Variants in PDE4B observed in about 807,000 individuals in gnomAD.
PDE4B encodes the protein 3',5'-cyclic-AMP phosphodiesterase 4B.
In PDE4B, 20 loss-of-function variants were observed where a neutral mutation model predicts 82.2. The ratio of observed to expected loss-of-function variants is 0.24; its 90% CI spans 0.17 to 0.35. The LOEUF is 0.35. Ranked by LOEUF, PDE4B falls within the 10% of genes least tolerant of loss-of-function variation. PDE4B has a pLI of 1.00. For missense variants in PDE4B, 655 were observed against 907.2 expected (o/e 0.72, Z 3.57); for synonymous variants, 320 against 318.9 (o/e 1.00, Z -0.04).
intron 7 of PDE4B, among the ~76,000 whole-genome samples, chr1:66,282,710 C>T (rs1186787801): frequency 1.3e-5 from 2 of 152,170 alleles, no homozygotes; most frequent in East Asian, 1.9e-4. Context: ...ATCCTTTAAC[C>T]TTTCTAGACT....
chr1:65,925,313 T>G (rs1390689514), intron 3 of PDE4B, among the ~76,000 whole-genome samples: 1 of 152,170 alleles, frequency 6.6e-6, no homozygotes, highest in East Asian at 1.9e-4. Context: ...ATCCTGCACA[T>G]GTACCCCGGA....
chr1:66,312,594 A>G (rs985960026), intron 7 of PDE4B, among the ~76,000 whole-genome samples: 1 of 152,210 alleles, frequency 6.6e-6, no homozygotes, highest in African/African-American at 2.4e-5. Context: ...TTACCTCACT[A>G]GCAAACTTAA....
intron 7 of PDE4B, among the ~76,000 whole-genome samples, chr1:66,323,639 T>C (rs940370449): frequency 1.3e-5 from 2 of 152,164 alleles, no homozygotes; most frequent in African/African-American, 4.8e-5. Context: ...CCATGCACTG[T>C]CCTAAGCACT....
intron 3 of PDE4B, among the ~76,000 whole-genome samples, chr1:66,131,631 A>ATATATG (rs1557583760): frequency 8.4e-6 from 1 of 119,680 alleles, no homozygotes; most frequent in Non-Finnish European, 1.7e-5. Context: ...ATATATATAT[A>ATATATG]TATATATTAC....
chr1:66,028,154 T>C (rs1456219515), intron 3 of PDE4B, among the ~76,000 whole-genome samples: 5 of 152,204 alleles, frequency 3.3e-5, no homozygotes, highest in Non-Finnish European at 7.3e-5. Flanking sequence ...TCATACATCT[T>C]CTGAAATCTA....
intron 3 of PDE4B, among the ~76,000 whole-genome samples, chr1:66,147,022 A>G (rs547396094): frequency 2.6e-5 from 4 of 152,334 alleles, no homozygotes; most frequent in East Asian, 1.9e-4. Flanking sequence ...ATATATGACT[A>G]CATTAATAAA....
intron 3 of PDE4B, chr1:66,152,548 T>A (rs1304098902): frequency 3.4e-6 from 1 of 294,376 alleles, no homozygotes; most frequent in East Asian, 8.2e-5. Context: ...TATATGTACA[T>A]ATATATAAAA....
At chr1:66,186,215 C>T (rs1487695648) in intron 3 of PDE4B, among the ~76,000 whole-genome samples, 1 of 152,166 alleles carries the variant, frequency 6.6e-6, no homozygotes, top group Non-Finnish European at 1.5e-5. Flanking sequence ...GGTACCAGCA[C>T]CATGCTGTTT....
Position 66,373,271 on chromosome 1 carries a change from CAGAA to C in PDE4B, c.*596_*599del, listed in dbSNP as rs1199956617. 1 of 152,938 alleles carries C rather than the reference CAGAA, an allele frequency of 6.5e-6. No homozygotes were observed. The highest frequency in any genetic ancestry group is 1.5e-5 in the Non-Finnish European group (1 of 68,462). 9.5% of individuals were successfully genotyped at this position (152,938 alleles called of 1,614,324 possible). On this transcript the variant is annotated 3_prime_UTR_variant, in exon 17 of 17. Coordinates refer to ENST00000341517, the MANE Select transcript of PDE4B (RefSeq NM_002600.4). The stretch of plus-strand genomic sequence containing the variant: ...TACTACAGTTACTTTTGCAAACAGA[CAGAA>C]AGGATACACTTCTAACCACATTTTA...
At chr1:65,811,983 C>G (rs150559063) in intron 1 of PDE4B, among the ~76,000 whole-genome samples, 1 of 151,738 alleles carries the variant, frequency 6.6e-6, no homozygotes, top group Non-Finnish European at 1.5e-5. Flanking sequence ...CAAAAAAAAC[C>G]CCAGGACCAT....
chr1:66,133,153 A>G (rs1217929606), intron 3 of PDE4B, among the ~76,000 whole-genome samples: 1 of 152,188 alleles, frequency 6.6e-6, no homozygotes, highest in East Asian at 1.9e-4. Flanking sequence ...AAGGACTCAG[A>G]TACAGAAGCA....
intron 3 of PDE4B, among the ~76,000 whole-genome samples, chr1:65,997,521 C>A (rs186572228): frequency 6.6e-6 from 1 of 152,258 alleles, no homozygotes; most frequent in Admixed American, 6.5e-5. Context: ...CTTAGAACTG[C>A]CGACATGCTT....
At chr1:65,827,414 A>G (rs1646031616) in intron 1 of PDE4B, among the ~76,000 whole-genome samples, 1 of 152,178 alleles carries the variant, frequency 6.6e-6, no homozygotes, top group Non-Finnish European at 1.5e-5. Flanking sequence ...ATGTAATGGC[A>G]GATAGATAAT....
chr1:65,829,838 G>GTTATAGTCAGATCAGGTTA (rs1646061902), intron 1 of PDE4B, among the ~76,000 whole-genome samples: 3 of 152,124 alleles, frequency 2.0e-5, no homozygotes, highest in African/African-American at 4.8e-5. Flanking sequence ...AGAGATGTTG[G>GTTATAGTCAGATCAGGTTA]TACGATCTCA....
chr1:65,864,193 G>A (rs913796172), intron 1 of PDE4B, among the ~76,000 whole-genome samples: 1 of 151,656 alleles, frequency 6.6e-6, no homozygotes, highest in Non-Finnish European at 1.5e-5. Context: ...TTCTTGTGCT[G>A]TGTTTTTCAG....
chr1:65,978,247 C>T (rs568657785), intron 3 of PDE4B, among the ~76,000 whole-genome samples: 13 of 151,600 alleles, frequency 8.6e-5, no homozygotes, highest in African/African-American at 3.1e-4. Flanking sequence ...AGGCTGGTCT[C>T]GAACTCCTGA....
chr1:65,814,931 T>A (rs563718817), intron 1 of PDE4B, among the ~76,000 whole-genome samples: 1 of 152,104 alleles, frequency 6.6e-6, no homozygotes, highest in South Asian at 2.1e-4. Context: ...AAAGCTTGAT[T>A]TTTCTAGGTA....
At chr1:65,982,613 T>A (rs1650745857) in intron 3 of PDE4B, among the ~76,000 whole-genome samples, 1 of 152,274 alleles carries the variant, frequency 6.6e-6, no homozygotes, top group East Asian at 1.9e-4. Flanking sequence ...AAAGACCCTC[T>A]TGTCTGGTGG....
At chr1:66,291,201 A>G (rs1414631183) in intron 7 of PDE4B, among the ~76,000 whole-genome samples, 1 of 152,162 alleles carries the variant, frequency 6.6e-6, no homozygotes, top group African/African-American at 2.4e-5. Context: ...TCATCTTTAA[A>G]ACAAACCAGT....
Sources: allele counts gnomAD v4.1 joint callset (sites outside exome capture counted in the v4.1 genomes callset), GRCh38; gene constraint gnomAD v4.1.1; transcripts MANE v1.5; gene names NCBI Gene and HGNC (gene_info 2026-07-23, HGNC 2026-07-21).